The following ERC2 variants were observed in gnomAD, a reference collection of about 807,000 sequenced individuals.
ERC2 encodes ERC protein 2.
In ERC2, 42 loss-of-function variants were observed where a neutral mutation model predicts 114.8. That is an observed-to-expected ratio of 0.37 (90% confidence interval 0.29 to 0.47). ERC2 has a LOEUF of 0.47. ERC2 is among the 20% of genes least tolerant of loss of function. The probability of loss-of-function intolerance (pLI) is 0.99; values close to 1 mark genes in which losing one functional copy is unlikely to be tolerated. For synonymous variants in ERC2, 454 were observed against 425.5 expected, an observed-to-expected ratio of 1.07 and a Z score of -0.82; for missense variants, 939 against 1,150.7, an observed-to-expected ratio of 0.82 and a Z score of 2.66.
chr3:56,165,818 T>C (rs1281575466), intron 4 of ERC2, among the ~76,000 whole-genome samples: 1 of 152,028 alleles, frequency 6.6e-6, no homozygotes, highest in Non-Finnish European at 1.5e-5. Context: ...TAATCTAATA[T>C]TGTATATATG....
chr3:56,327,533 G>T (rs564391615), intron 2 of ERC2, among the ~76,000 whole-genome samples: 1 of 152,264 alleles, frequency 6.6e-6, no homozygotes, highest in East Asian at 1.9e-4. Flanking sequence ...CTACTTAGCT[G>T]GGCATGGTAG....
At chr3:56,376,168 G>A (rs776017262) in intron 2 of ERC2, among the ~76,000 whole-genome samples, 2 of 152,198 alleles carry the variant, frequency 1.3e-5, no homozygotes, top group Non-Finnish European at 2.9e-5. Context: ...CACAGAAACT[G>A]TGAGATAATA....
rs140617394 is a variant in ERC2 at position 55,534,568 on chromosome 3, C to T, written c.*40-23292G>A. 1.3e-4 allele frequency among the ~76,000 whole-genome samples: 20 copies of T among 151,824 alleles called. No homozygotes were observed. The East Asian group carries it at 1.8e-3, about 13-fold the overall frequency. On this transcript the variant is annotated intron_variant, in intron 17 of 17. Coordinates refer to ENST00000288221, the MANE Select transcript of ERC2 (RefSeq NM_015576.3). ...AAAATTAACAGCATGTAGTAGCACA[C>T]GCCTGTAGTCCCACCTACTTGGGAG...
intron 3 of ERC2, among the ~76,000 whole-genome samples, chr3:56,294,250 T>A (rs766564668): frequency 2.0e-5 from 3 of 152,256 alleles, no homozygotes; most frequent in African/African-American, 4.8e-5. Flanking sequence ...ACAAATTACC[T>A]TAAAATTGAG....
At chr3:56,211,247 A>G (rs769708454) in intron 3 of ERC2, among the ~76,000 whole-genome samples, 12 of 152,176 alleles carry the variant, frequency 7.9e-5, no homozygotes, top group Non-Finnish European at 1.5e-4. Flanking sequence ...TGAATTCAAT[A>G]AAGTTTTAGG....
At chr3:56,436,276 C>T (rs2062014405) in intron 1 of ERC2, among the ~76,000 whole-genome samples, 1 of 152,146 alleles carries the variant, frequency 6.6e-6, no homozygotes, top group African/African-American at 2.4e-5. Flanking sequence ...TTCCACTCTG[C>T]AATCAACAAA....
At chr3:55,994,906 G>A (rs1432820479) in intron 10 of ERC2, among the ~76,000 whole-genome samples, 1 of 152,208 alleles carries the variant, frequency 6.6e-6, no homozygotes, top group African/African-American at 2.4e-5. Context: ...AATCTAGACT[G>A]TACCACTGTT....
In ERC2 at chr3:56,220,009, G is replaced by T. The variant is rs567526291; in HGVS notation, c.1075-46489C>A. On this transcript the variant is annotated intron_variant, in intron 3 of 17. Transcript: ENST00000288221. ...ATGATAAAAGCATAATAAATTGGTTGTCTACAATAGTTATCATTATCATAA... is the reference window on the plus strand; with the variant it reads ...ATGATAAAAGCATAATAAATTGGTTTTCTACAATAGTTATCATTATCATAA... Among the ~76,000 whole-genome samples the T allele has an allele frequency of 3.3e-4, 51 of 152,304 alleles. No individual in the cohort carries two copies. In the South Asian group the frequency reaches 0.01, roughly 30 times the overall value.
intron 17 of ERC2, among the ~76,000 whole-genome samples, chr3:55,617,888 TTTCTC>T (rs2059185601): frequency 6.6e-6 from 1 of 152,230 alleles, no homozygotes; most frequent in South Asian, 2.1e-4. Flanking sequence ...GCACTGGCCA[TTTCTC>T]TTTTATTGAC....
intron 2 of ERC2, among the ~76,000 whole-genome samples, chr3:56,405,828 C>G (rs1031350631): frequency 1.3e-5 from 2 of 150,824 alleles, no homozygotes; most frequent in Non-Finnish European, 2.9e-5. Context: ...CATCCTTTTA[C>G]TCTGTGAACA....
At chr3:56,236,531 G>A (rs1461687176) in intron 3 of ERC2, among the ~76,000 whole-genome samples, 2 of 152,116 alleles carry the variant, frequency 1.3e-5, no homozygotes, top group Admixed American at 6.5e-5. Context: ...GGGGCTTTTC[G>A]AGAACTTGTA....
At chr3:55,837,931 A>G (rs892540586) in intron 14 of ERC2, among the ~76,000 whole-genome samples, 2 of 151,802 alleles carry the variant, frequency 1.3e-5, no homozygotes, top group Non-Finnish European at 2.9e-5. Context: ...CATTAATATC[A>G]GACAAAGTCA....
intron 7 of ERC2, among the ~76,000 whole-genome samples, chr3:56,066,345 TA>T (rs1419745057): frequency 6.6e-6 from 1 of 152,198 alleles, no homozygotes; most frequent in Admixed American, 6.5e-5. Context: ...GTTGGCCACA[TA>T]AATGTCTTCT....
chr3:56,284,187 C>T (rs2054534015), intron 3 of ERC2, among the ~76,000 whole-genome samples: 1 of 152,072 alleles, frequency 6.6e-6, no homozygotes, highest in Non-Finnish European at 1.5e-5. Flanking sequence ...ATAGTCTGAA[C>T]TTAAAGTTTT....
chr3:56,178,817 T>C (rs1004352364), intron 3 of ERC2, among the ~76,000 whole-genome samples: 2 of 151,784 alleles, frequency 1.3e-5, no homozygotes, highest in Non-Finnish European at 2.9e-5. Context: ...CTAAACCACA[T>C]CGTTATAAAT....
intron 14 of ERC2, chr3:55,766,903 G>A (rs528856796): frequency 6.6e-6 from 1 of 152,194 alleles, no homozygotes; most frequent in Non-Finnish European, 1.5e-5. Flanking sequence ...GTGATTACTT[G>A]CCTGATTTCC....
intron 5 of ERC2, among the ~76,000 whole-genome samples, chr3:56,139,881 T>C (rs2080749433): frequency 6.6e-6 from 1 of 152,062 alleles, no homozygotes. Flanking sequence ...ACTGAGAGTA[T>C]AGGAAATAGG....
chr3:56,448,300 A>G (rs1343319868), intron 1 of ERC2, among the ~76,000 whole-genome samples: 1 of 152,252 alleles, frequency 6.6e-6, no homozygotes, highest in Non-Finnish European at 1.5e-5. Flanking sequence ...CCATGGCAAG[A>G]GTACAAATGG....
chr3:56,043,726 A>C (rs2075319034), intron 7 of ERC2, among the ~76,000 whole-genome samples: 2 of 152,132 alleles, frequency 1.3e-5, no homozygotes, highest in African/African-American at 4.8e-5. Flanking sequence ...TAAACTTATA[A>C]GTTAGTTGAC....
Sources: allele counts gnomAD v4.1 joint callset (sites outside exome capture counted in the v4.1 genomes callset), GRCh38; gene constraint gnomAD v4.1.1; transcripts MANE v1.5; gene names NCBI Gene and HGNC (gene_info 2026-07-23, HGNC 2026-07-21).